The following FKBP5 variants were observed in gnomAD, a reference collection of about 807,000 sequenced individuals.
FKBP5 encodes FKBP prolyl isomerase 5.
Under a neutral mutation model 50.5 loss-of-function variants are expected in FKBP5, and 23 were observed. The observed-to-expected ratio is 0.46, with a 90% CI of 0.33 to 0.65. FKBP5 has a LOEUF of 0.65. FKBP5 is among the 30% of genes least tolerant of loss of function. The probability of loss-of-function intolerance (pLI) is 0.02; values close to 1 mark genes in which losing one functional copy is unlikely to be tolerated. For synonymous variants in FKBP5, 176 were observed against 190.6 expected, an observed-to-expected ratio of 0.92 and a Z score of 0.63; for missense variants, 411 against 553.1, an observed-to-expected ratio of 0.74 and a Z score of 2.58.
intron 1 of FKBP5, among the ~76,000 whole-genome samples, chr6:35,656,612 G>A (rs1342871867): frequency 6.6e-6 from 1 of 152,140 alleles, no homozygotes; most frequent in African/African-American, 2.4e-5. Flanking sequence ...CAAACAGGCT[G>A]GGCAAAGTGG....
chr6:35,630,238 A>G (rs552472873), intron 3 of FKBP5, among the ~76,000 whole-genome samples: 218 of 152,186 alleles, frequency 1.4e-3, no homozygotes, highest in African/African-American at 4.8e-3. Flanking sequence ...TTACTATGAC[A>G]TATCATTACT....
At chr6:35,666,394 T>TTAAAAAAAAAAAAAAA (rs1554136779) in intron 1 of FKBP5, among the ~76,000 whole-genome samples, 2 of 33,268 alleles carry the variant, frequency 6.0e-5, no homozygotes, top group African/African-American at 2.3e-4. Flanking sequence ...CTATTATAGT[T>TTAAAAAAAAAAAAAAA]AAAAAAAAAA....
chr6:35,576,831 C>T (rs1248019192), intron 10 of FKBP5, among the ~76,000 whole-genome samples, 163 bp downstream of exon 10: 1 of 152,180 alleles, frequency 6.6e-6, no homozygotes, highest in African/African-American at 2.4e-5. Flanking sequence ...GTGACTGGAA[C>T]TGCCCTACTC....
At chr6:35,672,332 T>C (rs987864336) in intron 1 of FKBP5, among the ~76,000 whole-genome samples, 1 of 152,000 alleles carries the variant, frequency 6.6e-6, no homozygotes, top group African/African-American at 2.4e-5. Context: ...GAAATATAAA[T>C]AATCTGATAC....
chr6:35,699,420 G>C (rs188141031), intron 2 of FKBP5, among the ~76,000 whole-genome samples: 1 of 152,298 alleles, frequency 6.6e-6, no homozygotes, highest in East Asian at 1.9e-4. Context: ...ACTAACAATG[G>C]TGTGAATATT....
chr6:35,619,263 AC>A, intron 4 of FKBP5, 53 bp from the exon 5 acceptor site: 1 of 1,253,142 alleles, frequency 8.0e-7, no homozygotes, highest in Non-Finnish European at 1.2e-6. Flanking sequence ...AGCCAACTGA[AC>A]ATATGTGAAG....
intron 2 of FKBP5, among the ~76,000 whole-genome samples, chr6:35,700,733 G>A (rs1477862774): frequency 6.6e-6 from 1 of 152,096 alleles, no homozygotes; most frequent in South Asian, 2.1e-4. Context: ...CGAGGTGGGC[G>A]GATCACCTGA....
chr6:35,708,035 C>A (rs532812083), intron 2 of FKBP5, among the ~76,000 whole-genome samples: 1 of 152,092 alleles, frequency 6.6e-6, no homozygotes, highest in African/African-American at 2.4e-5. Flanking sequence ...TTGGTAAGAG[C>A]AAAGATTGAT....
intron 1 of FKBP5, among the ~76,000 whole-genome samples, chr6:35,648,422 C>T (rs1375097241): frequency 6.6e-6 from 1 of 151,820 alleles, no homozygotes; most frequent in East Asian, 1.9e-4. Flanking sequence ...ACATGTGCCA[C>T]CACACCTAAT....
chr6:35,642,831 T>A lies in FKBP5; in HGVS notation c.-7A>T, dbSNP rs1437084935. ...CACCTTCATCAGTAGTCATTGTCTT[T>A]TAAGTAGAGAACCTGGTAAGAAGAA... On this transcript the variant is annotated 5_prime_UTR_variant, in exon 2 of 11. Coordinates refer to ENST00000357266, the MANE Select transcript of FKBP5 (RefSeq NM_004117.4). 6.2e-7 allele frequency: 1 copy of A among 1,608,642 alleles called. No homozygotes were observed. The highest frequency in any genetic ancestry group is 1.3e-5 in the African/African-American group (1 of 74,594).
rs534341695 is a variant in FKBP5 at position 35,607,033 on chromosome 6, C to G, written c.509-9629G>C. On this transcript the variant is annotated intron_variant, in intron 5 of 10. Transcript: ENST00000357266. ...TCAGCTGACTACAACCTCCACCTCC[C>G]AGGTTCAAGCAATTCTGCCTCAGCC... Among the ~76,000 whole-genome samples the G allele has an allele frequency of 6.6e-5, 10 of 152,204 alleles. No homozygotes were observed. In the East Asian group the frequency reaches 1.9e-3, roughly 29 times the overall value.
intron 2 of FKBP5, among the ~76,000 whole-genome samples, chr6:35,700,120 G>A (rs1379027200): frequency 6.6e-6 from 1 of 152,096 alleles, no homozygotes; most frequent in African/African-American, 2.4e-5. Context: ...TTTCAGAATT[G>A]CTACGGACCT....
chr6:35,576,062 A>G (rs1762202159), intron 10 of FKBP5, 120 bp from the exon 11 acceptor site: 4 of 760,208 alleles, frequency 5.3e-6, no homozygotes, highest in Admixed American at 1.9e-5. Context: ...TCTCTAGGAT[A>G]TCTAGCTGGG....
At chr6:35,705,560 C>T (rs1039081762) in intron 2 of FKBP5, among the ~76,000 whole-genome samples, 13 of 151,560 alleles carry the variant, frequency 8.6e-5, no homozygotes, top group African/African-American at 2.7e-4. Context: ...CCACTGTGCC[C>T]GGCCTGCAAA....
intron 1 of FKBP5, among the ~76,000 whole-genome samples, chr6:35,670,523 T>C (rs1466879339): frequency 1.3e-5 from 2 of 151,908 alleles, no homozygotes; most frequent in East Asian, 3.9e-4. Context: ...CACTTGAGGT[T>C]AGAAGTTCGC....
intron 3 of FKBP5, among the ~76,000 whole-genome samples, chr6:35,623,075 C>T (rs557198605): frequency 1.3e-5 from 2 of 151,710 alleles, no homozygotes; most frequent in Non-Finnish European, 2.9e-5. Flanking sequence ...ACCCCATCTC[C>T]ACTAAAAATA....
chr6:35,619,628 G>T (rs897110760), intron 4 of FKBP5, among the ~76,000 whole-genome samples: 3 of 152,138 alleles, frequency 2.0e-5, no homozygotes, highest in African/African-American at 7.2e-5. Flanking sequence ...CTGATTAAAG[G>T]TGTATTTTAC....
chr6:35,618,690 G>C (rs998640824), intron 5 of FKBP5, among the ~76,000 whole-genome samples: 22 of 151,050 alleles, frequency 1.5e-4, no homozygotes, highest in Middle Eastern at 3.6e-3. Context: ...CTATCTTTGA[G>C]ATATATTCAA....
intron 1 of FKBP5, among the ~76,000 whole-genome samples, chr6:35,650,025 A>C (rs944119347): frequency 2.0e-5 from 3 of 152,218 alleles, no homozygotes; most frequent in African/African-American, 7.2e-5. Flanking sequence ...AAAAACATCC[A>C]AACAACTAAA....
Sources: gnomAD v4.1 joint callset for allele counts (sites outside exome capture counted in the v4.1 genomes callset) on GRCh38, gnomAD v4.1.1 for gene constraint, MANE v1.5 for transcripts, NCBI Gene and HGNC (gene_info 2026-07-23, HGNC 2026-07-21) for gene names.